Variants in RSRC1 observed in about 807,000 individuals in gnomAD.
RSRC1 encodes serine/Arginine-related protein 53.
A neutral mutation model predicts 49.1 loss-of-function variants in RSRC1; 39 were observed. The ratio of observed to expected loss-of-function variants is 0.79; its 90% CI spans 0.61 to 1.04. The LOEUF (loss-of-function observed/expected upper bound fraction) is 1.04, where lower values mean the gene tolerates loss of function less well. Ranked by LOEUF, RSRC1 falls within the 50% of genes least tolerant of loss-of-function variation. The pLI, the probability that RSRC1 is intolerant of heterozygous loss-of-function variation, is 0.00. For synonymous variants in RSRC1, 143 were observed against 130.8 expected (o/e 1.09, Z -0.63); for missense variants, 388 against 402.4 (o/e 0.96, Z 0.31).
At chr3:158,147,191 A>T (rs1717192480) in intron 3 of RSRC1, among the ~76,000 whole-genome samples, 1 of 126,044 alleles carries the variant, frequency 7.9e-6, no homozygotes, top group South Asian at 2.5e-4. Context: ...ACTTCACTTT[A>T]AATCTCTACC....
chr3:158,321,850 C>T (rs1010772465), intron 5 of RSRC1, among the ~76,000 whole-genome samples: 3 of 151,978 alleles, frequency 2.0e-5, no homozygotes, highest in African/African-American at 7.2e-5. Flanking sequence ...GTGCTCCTCT[C>T]CTTTGTACTA....
chr3:158,448,307 A>T (rs559691163), intron 6 of RSRC1, among the ~76,000 whole-genome samples: 1 of 151,910 alleles, frequency 6.6e-6, no homozygotes, highest in Non-Finnish European at 1.5e-5. Flanking sequence ...GATGTTTTCA[A>T]TTTTTTTTAC....
chr3:158,522,784 A>G (rs1053008713), intron 7 of RSRC1, among the ~76,000 whole-genome samples: 34 of 152,170 alleles, frequency 2.2e-4, no homozygotes, highest in African/African-American at 7.2e-4. Context: ...TCTTAAATAT[A>G]TATGCTCACC....
At chr3:158,394,024 C>T (rs1267340677) in intron 6 of RSRC1, among the ~76,000 whole-genome samples, 9 of 151,982 alleles carry the variant, frequency 5.9e-5, no homozygotes, top group African/African-American at 2.2e-4. Context: ...TAAATATGAT[C>T]CATCAAATAA....
intron 4 of RSRC1, among the ~76,000 whole-genome samples, chr3:158,206,494 A>G (rs1163130701): frequency 6.6e-6 from 1 of 152,014 alleles, no homozygotes; most frequent in Non-Finnish European, 1.5e-5. Flanking sequence ...TGATTATGAG[A>G]GGGCTTTGAG....
At chr3:158,329,151 A>T (rs547320777) in intron 5 of RSRC1, among the ~76,000 whole-genome samples, 1 of 152,016 alleles carries the variant, frequency 6.6e-6, no homozygotes, top group South Asian at 2.1e-4. Context: ...ATCTTTTTTC[A>T]TGGTTTTTAT....
chr3:158,492,560 G>A (rs1329227112), intron 7 of RSRC1, among the ~76,000 whole-genome samples: 2 of 152,108 alleles, frequency 1.3e-5, no homozygotes, highest in African/African-American at 4.8e-5. Context: ...GCTGGGAGGT[G>A]GAGAAATTCT....
chr3:158,379,970 A>G (rs1241716393), intron 6 of RSRC1, among the ~76,000 whole-genome samples: 2 of 151,818 alleles, frequency 1.3e-5, no homozygotes, highest in Non-Finnish European at 2.9e-5. Flanking sequence ...AAGGATTGTT[A>G]TCTGCTTTGT....
intron 5 of RSRC1, among the ~76,000 whole-genome samples, chr3:158,353,353 C>T (rs1167072541): frequency 1.3e-5 from 2 of 152,214 alleles, no homozygotes; most frequent in Non-Finnish European, 2.9e-5. Context: ...GGGGTTGGCA[C>T]ACTTTAAGGT....
chr3:158,408,225 T>A (rs1459694948), intron 6 of RSRC1, among the ~76,000 whole-genome samples: 3 of 152,196 alleles, frequency 2.0e-5, no homozygotes, highest in East Asian at 3.8e-4. Context: ...TTTCTCAACC[T>A]TCTAACTGAT....
intron 6 of RSRC1, among the ~76,000 whole-genome samples, chr3:158,360,635 C>A (rs1283194054): frequency 1.3e-5 from 2 of 152,240 alleles, no homozygotes; most frequent in Non-Finnish European, 2.9e-5. Flanking sequence ...GCTGGTGTGT[C>A]CATGCTGCCC....
At chr3:158,274,374 T>TC (rs1222020831) in intron 4 of RSRC1, among the ~76,000 whole-genome samples, 1 of 151,874 alleles carries the variant, frequency 6.6e-6, no homozygotes, top group East Asian at 1.9e-4. Context: ...GTTAGTCTTT[T>TC]TTTTTTTCTT....
At chr3:158,237,594 G>A (rs1387481711) in intron 4 of RSRC1, among the ~76,000 whole-genome samples, 1 of 152,138 alleles carries the variant, frequency 6.6e-6, no homozygotes, top group Non-Finnish European at 1.5e-5. Flanking sequence ...ATGTTAAATA[G>A]TTTTCAATGT....
intron 6 of RSRC1, among the ~76,000 whole-genome samples, chr3:158,406,466 C>A (rs1734166923): frequency 6.6e-6 from 1 of 151,828 alleles, no homozygotes; most frequent in South Asian, 2.1e-4. Context: ...GTAATTGGTA[C>A]CTTGATGTTG....
chr3:158,333,564 T>C (rs1729686065), intron 5 of RSRC1, among the ~76,000 whole-genome samples: 1 of 152,214 alleles, frequency 6.6e-6, no homozygotes, highest in Admixed American at 6.5e-5. Context: ...CAGCTCGATA[T>C]TTAATATATT....
At chr3:158,360,907 A>G (rs1369860528) in intron 6 of RSRC1, among the ~76,000 whole-genome samples, 6 of 152,160 alleles carry the variant, frequency 3.9e-5, no homozygotes, top group Admixed American at 6.5e-5. Flanking sequence ...TGTCAGCTCC[A>G]TGGAGCATGC....
At chr3:158,538,316 G>T (rs574249914) in intron 8 of RSRC1, among the ~76,000 whole-genome samples, 1 of 151,752 alleles carries the variant, frequency 6.6e-6, no homozygotes, top group African/African-American at 2.4e-5. Flanking sequence ...TGGTCCTTGC[G>T]TTGCCATTTT....
intron 6 of RSRC1, among the ~76,000 whole-genome samples, chr3:158,374,812 A>G (rs1732267833): frequency 6.6e-6 from 1 of 152,120 alleles, no homozygotes; most frequent in South Asian, 2.1e-4. Context: ...ATTTTTTTAA[A>G]TACTTTGTAT....
chr3:158,426,344 AGTC>A (rs1349051275), intron 6 of RSRC1, among the ~76,000 whole-genome samples: 1 of 151,626 alleles, frequency 6.6e-6, no homozygotes, highest in Non-Finnish European at 1.5e-5. Flanking sequence ...TATATAAAGT[AGTC>A]TTTTAAACCC....
Sources: allele counts gnomAD v4.1 joint callset (sites outside exome capture counted in the v4.1 genomes callset), GRCh38; gene constraint gnomAD v4.1.1; transcripts MANE v1.5; gene names NCBI Gene and HGNC (gene_info 2026-07-23, HGNC 2026-07-21).